CADPS2: variants seen among roughly 807,000 people sequenced by gnomAD.
CADPS2 encodes calcium dependent secretion activator 2.
CADPS2 carries 93 observed loss-of-function variants against 172.5 expected under a neutral mutation model. That is an observed-to-expected ratio of 0.54 (90% CI 0.46 to 0.64). The LOEUF (loss-of-function observed/expected upper bound fraction) is 0.64. Among genes scored for constraint, CADPS2 ranks in the 30% least tolerant of loss-of-function variants. The probability of loss-of-function intolerance (pLI) is 0.00; values close to 1 mark genes in which losing one functional copy is unlikely to be tolerated. For missense variants in CADPS2, 1,420 were observed against 1,565.9 expected, an observed-to-expected ratio of 0.91 and a Z score of 1.57; for synonymous variants, 546 against 555.2, an observed-to-expected ratio of 0.98 and a Z score of 0.23.
At chr7:122,365,116 ATCT>A (rs944970105) in intron 25 of CADPS2, among the ~76,000 whole-genome samples, 1 of 152,168 alleles carries the variant, frequency 6.6e-6, no homozygotes, top group African/African-American at 2.4e-5. Flanking sequence ...TGTTTGGCTC[ATCT>A]TCTTCAGAGC....
intron 20 of CADPS2, among the ~76,000 whole-genome samples, chr7:122,399,888 G>A (rs1421685727): frequency 1.4e-5 from 2 of 145,000 alleles, no homozygotes; most frequent in Admixed American, 6.8e-5. Flanking sequence ...GGGTTTCACC[G>A]TGGTCTCGAT....
At chr7:122,821,382 T>G (rs1006213516) in intron 1 of CADPS2, among the ~76,000 whole-genome samples, 2 of 152,176 alleles carry the variant, frequency 1.3e-5, no homozygotes, top group African/African-American at 2.4e-5. Flanking sequence ...CAGTGTTCCA[T>G]CTGCTATTCT....
In CADPS2 at chr7:122,320,353, T is replaced by C. The variant is rs1348442; in HGVS notation, c.3718-15A>G. ...CTGTAGGTTTTCTGAAGAAAGAAGATAAAATTTGCTTAGCTCACTTAGATT... is the reference window on the plus strand; with the variant it reads ...CTGTAGGTTTTCTGAAGAAAGAAGACAAAATTTGCTTAGCTCACTTAGATT... On this transcript the variant is annotated splice_polypyrimidine_tract_variant and intron_variant, in intron 29 of 29. Transcript: ENST00000449022. The C allele has an allele frequency of 5.1e-6, 8 of 1,576,748 alleles. No homozygotes were observed. The highest frequency in any genetic ancestry group is 4.1e-5 in the African/African-American group (3 of 73,224).
intron 4 of CADPS2, among the ~76,000 whole-genome samples, chr7:122,623,930 T>G (rs553475173): frequency 2.6e-5 from 4 of 152,348 alleles, no homozygotes; most frequent in African/African-American, 7.2e-5. Context: ...ATAATCTATT[T>G]GTATTTAGCT....
chr7:122,570,980 A>C (rs1351327758), intron 7 of CADPS2, among the ~76,000 whole-genome samples: 2 of 152,096 alleles, frequency 1.3e-5, no homozygotes, highest in African/African-American at 4.8e-5. Context: ...ACATGTATAC[A>C]TATGTAACTA....
At position 122,451,454 on chromosome 7, in the gene CADPS2, A is replaced by C; in HGVS notation, c.2208T>G (p.Val736=). The change falls in exon 15 of 30, where the codon GTT becomes GTG. Residue 736 remains valine (V), a synonymous_variant. Coordinates refer to ENST00000449022, the MANE Select transcript of CADPS2 (RefSeq NM_017954.11). ...HGNRPDGIGT[V]SVEEKERFEE... Reference sequence around the variant, plus strand: ...CAAATCTTTCTTTTTCTTCCACTGAAACAGTCCCAATTCCATCAGGCCTGA... The same window carrying C: ...CAAATCTTTCTTTTTCTTCCACTGACACAGTCCCAATTCCATCAGGCCTGA... 1.3e-6 allele frequency: 2 copies of C among 1,584,952 alleles called. No individual in the cohort carries two copies. The highest frequency in any genetic ancestry group is 1.7e-6 in the Non-Finnish European group (2 of 1,164,600).
intron 8 of CADPS2, among the ~76,000 whole-genome samples, chr7:122,545,448 G>A (rs2063527090): frequency 6.6e-6 from 1 of 152,144 alleles, no homozygotes; most frequent in Admixed American, 6.6e-5. Context: ...AGGAGTTCGT[G>A]TTGGGTATAA....
chr7:122,680,900 C>T (rs948977484), intron 2 of CADPS2, among the ~76,000 whole-genome samples: 1 of 151,650 alleles, frequency 6.6e-6, no homozygotes, highest in African/African-American at 2.4e-5. Context: ...CAATGATAGA[C>T]TGGATTAAGA....
At chr7:122,550,408 A>T (rs933494729) in intron 8 of CADPS2, among the ~76,000 whole-genome samples, 1 of 152,174 alleles carries the variant, frequency 6.6e-6, no homozygotes, top group Non-Finnish European at 1.5e-5. Context: ...CCAATTAGAA[A>T]CTATGATAAA....
intron 19 of CADPS2, chr7:122,412,956 A>G (rs2047479854): frequency 6.6e-6 from 1 of 152,260 alleles, no homozygotes; most frequent in Non-Finnish European, 1.5e-5. Context: ...CAGCAGAACT[A>G]AGGCAGGACA....
At chr7:122,408,179 TA>T (rs1454655466) in intron 19 of CADPS2, among the ~76,000 whole-genome samples, 20 of 147,618 alleles carry the variant, frequency 1.4e-4, no homozygotes, top group Admixed American at 6.6e-4. Flanking sequence ...GATATACTGT[TA>T]TTTTTTTTTT....
chr7:122,756,757 A>G (rs948867679), intron 1 of CADPS2, among the ~76,000 whole-genome samples: 4 of 152,190 alleles, frequency 2.6e-5, no homozygotes, highest in African/African-American at 9.6e-5. Context: ...AAAGTTAGCC[A>G]GGCATGGTGG....
chr7:122,676,533 T>A (rs142549298), intron 2 of CADPS2: 115 of 549,480 alleles, frequency 2.1e-4, no homozygotes, highest in African/African-American at 1.9e-3. Flanking sequence ...AAGCTTATGT[T>A]CAAGCAGCAG....
chr7:122,722,556 T>C (rs868108644), intron 2 of CADPS2, among the ~76,000 whole-genome samples: 38 of 150,788 alleles, frequency 2.5e-4, no homozygotes, highest in Admixed American at 6.0e-4. Context: ...CACAAACAAA[T>C]GGAAGAACAT....
intron 8 of CADPS2, among the ~76,000 whole-genome samples, chr7:122,534,302 G>T (rs1352224126): frequency 6.6e-6 from 1 of 151,838 alleles, no homozygotes; most frequent in Non-Finnish European, 1.5e-5. Context: ...GAACTGATAT[G>T]ATCAGTTCAA....
chr7:122,409,593 T>C, intron 19 of CADPS2: 1 of 469,528 alleles, frequency 2.1e-6, no homozygotes, highest in South Asian at 1.6e-5. Context: ...TCTTAATGAA[T>C]GTAAGCCAAT....
At chr7:122,828,257 C>T (rs1241030614) in intron 1 of CADPS2, among the ~76,000 whole-genome samples, 1 of 151,418 alleles carries the variant, frequency 6.6e-6, no homozygotes, top group Non-Finnish European at 1.5e-5. Context: ...TATTTTTTAT[C>T]ATTTACATGG....
intron 6 of CADPS2, among the ~76,000 whole-genome samples, chr7:122,592,359 G>C (rs1202886982): frequency 6.6e-6 from 1 of 152,162 alleles, no homozygotes; most frequent in Non-Finnish European, 1.5e-5. Context: ...AGAGGATGTG[G>C]AGAAATAGGA....
intron 15 of CADPS2, among the ~76,000 whole-genome samples, chr7:122,446,809 C>T (rs1181939188): frequency 2.0e-5 from 3 of 152,188 alleles, no homozygotes; most frequent in Non-Finnish European, 4.4e-5. Flanking sequence ...ACCTAGGTTC[C>T]TCCTTTCTGG....
Sources: gnomAD v4.1 joint callset for allele counts (sites outside exome capture counted in the v4.1 genomes callset) on GRCh38, gnomAD v4.1.1 for gene constraint, MANE v1.5 for transcripts, NCBI Gene and HGNC (gene_info 2026-07-23, HGNC 2026-07-21) for gene names.